CWF19L2: variants seen among roughly 807,000 people sequenced by gnomAD.
CWF19L2 encodes CWF19 like cell cycle control factor 2.
CWF19L2 carries 98 observed loss-of-function variants against 111.7 expected under a neutral mutation model. The ratio of observed to expected loss-of-function variants is 0.88; its 90% CI spans 0.75 to 1.04. The LOEUF is 1.04. Ranked by LOEUF, CWF19L2 falls within the 50% of genes least tolerant of loss-of-function variation. The probability of loss-of-function intolerance (pLI) is 0.00; values close to 1 mark genes in which losing one functional copy is unlikely to be tolerated. For missense variants in CWF19L2, 1,101 were observed against 1,051.4 expected (o/e 1.05, Z -0.65); for synonymous variants, 351 against 342.9 (o/e 1.02, Z -0.26).
chr11:107,456,333 A>C (rs551311192), intron 1 of CWF19L2, among the ~76,000 whole-genome samples: 1 of 152,314 alleles, frequency 6.6e-6, no homozygotes, highest in East Asian at 1.9e-4. Context: ...GTAACTCCAA[A>C]GCTCAGTTTG....
chr11:107,429,198 T>G lies in CWF19L2; in HGVS notation c.1034A>C (p.Glu345Ala). The change falls in exon 8 of 18, where the codon GAA becomes GCA. Residue 345 changes from glutamate to alanine, a missense_variant. Glu to Ala is a moderately radical substitution (Grantham distance 107). Transcript: ENST00000282251. ...TGGGTTAGATTCTCTTCTACACGTT[T>G]CTAAAGACCCAGGTCTCTTATCTTT... is the stretch of plus-strand genomic sequence containing the variant. ...DEKDKRPGSL[E>A]TCRRESNPRQ... The G allele has an allele frequency of 1.2e-6, 2 of 1,613,764 alleles. No individual in the cohort carries two copies. The highest frequency in any genetic ancestry group is 1.7e-6 in the Non-Finnish European group (2 of 1,179,788).
intron 8 of CWF19L2, among the ~76,000 whole-genome samples, chr11:107,422,189 G>T (rs748530298): frequency 4.6e-5 from 7 of 152,042 alleles, no homozygotes; most frequent in Admixed American, 6.6e-5. Flanking sequence ...CAACACAGGG[G>T]TGAACTGCCC....
intron 3 of CWF19L2, among the ~76,000 whole-genome samples, chr11:107,450,834 T>C (rs1861768198): frequency 6.6e-6 from 1 of 152,090 alleles, no homozygotes; most frequent in Non-Finnish European, 1.5e-5. Flanking sequence ...ATGTACCTAA[T>C]AAAGCTTCAA....
chr11:107,423,490 T>C (rs1483009785), intron 8 of CWF19L2, among the ~76,000 whole-genome samples: 1 of 151,938 alleles, frequency 6.6e-6, no homozygotes, highest in Non-Finnish European at 1.5e-5. Flanking sequence ...TCTTGTTTCC[T>C]AAGTGAGAAA....
At chr11:107,392,980 T>C in intron 10 of CWF19L2, 85 bp from the exon 11 acceptor site, 1 of 833,258 alleles carries the variant, frequency 1.2e-6, no homozygotes, top group Non-Finnish European at 1.8e-6. Flanking sequence ...AGCATTAAAA[T>C]GATTAACGTT....
intron 10 of CWF19L2, among the ~76,000 whole-genome samples, chr11:107,400,057 T>C (rs887432460): frequency 6.6e-6 from 1 of 152,062 alleles, no homozygotes; most frequent in Non-Finnish European, 1.5e-5. Context: ...ACCTCTGGGA[T>C]ACAGCAAAGG....
intron 10 of CWF19L2, chr11:107,403,945 G>T: frequency 2.2e-6 from 2 of 891,764 alleles, no homozygotes; most frequent in South Asian, 2.6e-5. Context: ...GTCGTTTAAG[G>T]ACCTGCATTC....
intron 8 of CWF19L2, among the ~76,000 whole-genome samples, chr11:107,427,069 T>C (rs1022695590): frequency 6.6e-6 from 1 of 152,054 alleles, no homozygotes; most frequent in Non-Finnish European, 1.5e-5. Flanking sequence ...GGTAAAGATA[T>C]ATGAACAATA....
At chr11:107,347,947 A>G (rs1860105159) in intron 14 of CWF19L2, among the ~76,000 whole-genome samples, 1 of 152,156 alleles carries the variant, frequency 6.6e-6, no homozygotes, top group Non-Finnish European at 1.5e-5. Flanking sequence ...GAAATGTTCT[A>G]AAATAATTCT....
At chr11:107,360,592 A>G (rs1230095511) in intron 12 of CWF19L2, among the ~76,000 whole-genome samples, 2 of 152,222 alleles carry the variant, frequency 1.3e-5, no homozygotes, top group Non-Finnish European at 2.9e-5. Context: ...ACCAATTTAC[A>G]TTCCCCACAA....
In CWF19L2 at chr11:107,329,965, C is replaced by A; in HGVS notation, c.2494G>T (p.Ala832Ser). ...SVDFGLHGGF[A>S]HVIEDQHKFP... ...TTGTGCTGATCTTCAATGACATGGG[C>A]AAACCCTCCGTGAAGGCCAAAATCC... is the stretch of plus-strand genomic sequence containing the variant. Residue 832 changes from alanine (A) to serine (S), a missense_variant, in exon 17 of 18, where the codon GCC (alanine) becomes TCC (serine). By Grantham distance (99) the Ala-to-Ser change is moderately conservative. Transcript: ENST00000282251. The A allele has an allele frequency of 6.3e-7, 1 of 1,592,262 alleles. No individual in the cohort carries two copies. Among genetic ancestry groups the A allele is most frequent in the Non-Finnish European group, 8.6e-7 (1 of 1,169,326 alleles).
chr11:107,326,959 A>G lies in CWF19L2; in HGVS notation c.2636T>C (p.Phe879Ser). ...GTCATATGGTTTCCACCACTGAGCA[A>G]ACTGCAGTGCTTTTTTCCTCTGATC... ...FEDQRKKALQ[F>S]AQWWKPYDFT... Residue 879 changes from phenylalanine (F) to serine (S), a missense_variant, in exon 18 of 18, where the codon TTT becomes TCT. By Grantham distance (155) the Phe-to-Ser change is radical (BLOSUM62 -2). Coordinates refer to ENST00000282251, the MANE Select transcript of CWF19L2 (RefSeq NM_152434.3). The G allele has an allele frequency of 6.2e-7, 1 of 1,612,012 alleles. No individual in the cohort carries two copies. The highest frequency in any genetic ancestry group is 8.5e-7 in the Non-Finnish European group (1 of 1,178,944).
chr11:107,365,284 A>C (rs1209775767), intron 12 of CWF19L2, among the ~76,000 whole-genome samples: 2 of 138,712 alleles, frequency 1.4e-5, no homozygotes, highest in Non-Finnish European at 3.1e-5. Context: ...AAACTATTCC[A>C]ATCAATAGAA....
At chr11:107,423,678 T>C (rs1425810635) in intron 8 of CWF19L2, among the ~76,000 whole-genome samples, 1 of 151,988 alleles carries the variant, frequency 6.6e-6, no homozygotes, top group East Asian at 1.9e-4. Flanking sequence ...CAATCCTTTC[T>C]GTTATTCCAA....
intron 10 of CWF19L2, among the ~76,000 whole-genome samples, chr11:107,397,516 G>A (rs985662234): frequency 2.0e-5 from 3 of 151,994 alleles, no homozygotes; most frequent in Non-Finnish European, 4.4e-5. Context: ...CCAGCAAGAC[G>A]CGCCCACGGA....
chr11:107,436,472 A>T lies in CWF19L2; in HGVS notation c.664+2618T>A, dbSNP rs1029311213. 2.6e-5 allele frequency among the ~76,000 whole-genome samples: 4 copies of T among 152,300 alleles called. No homozygotes were observed. The South Asian group carries it at 8.3e-4, about 32-fold the overall frequency. On this transcript the variant is annotated intron_variant, in intron 6 of 17. Transcript: ENST00000282251. ...AACAGACTAACATAAAAATAGTGAT[A>T]AACTATCAGGAAACCTAGATTTTAG...
chr11:107,356,662 G>A (rs1409858705), intron 12 of CWF19L2, among the ~76,000 whole-genome samples: 1 of 152,124 alleles, frequency 6.6e-6, no homozygotes, highest in Non-Finnish European at 1.5e-5. Flanking sequence ...TCATGAAATA[G>A]TGTCCAACTA....
At chr11:107,344,950 G>A (rs1370105077) in intron 14 of CWF19L2, among the ~76,000 whole-genome samples, 3 of 152,098 alleles carry the variant, frequency 2.0e-5, no homozygotes, top group Non-Finnish European at 4.4e-5. Context: ...AATGGGAGAG[G>A]CTACTCATTA....
chr11:107,387,147 C>T (rs917399231), intron 12 of CWF19L2, among the ~76,000 whole-genome samples: 12 of 152,044 alleles, frequency 7.9e-5, no homozygotes, highest in African/African-American at 1.2e-4. Flanking sequence ...ACCATGTGAC[C>T]GGGCATTTCA....
Sources: gnomAD v4.1 joint callset for allele counts (sites outside exome capture counted in the v4.1 genomes callset) on GRCh38, gnomAD v4.1.1 for gene constraint, MANE v1.5 for transcripts, NCBI Gene and HGNC (gene_info 2026-07-23, HGNC 2026-07-21) for gene names.